The following ERBB2 variants were observed in gnomAD, a reference collection of about 807,000 sequenced individuals.
ERBB2 encodes erb-b2 receptor tyrosine kinase 2.
In ERBB2, 61 loss-of-function variants were observed where a neutral mutation model predicts 149.0. The ratio of observed to expected loss-of-function variants is 0.41; its 90% CI spans 0.33 to 0.51. The LOEUF is 0.51. Among genes scored for constraint, ERBB2 ranks in the 20% least tolerant of loss-of-function variants. The pLI, the probability that ERBB2 is intolerant of heterozygous loss-of-function variation, is 0.25. For synonymous variants in ERBB2, 633 were observed against 678.8 expected, an observed-to-expected ratio of 0.93 and a Z score of 1.05; for missense variants, 1,205 against 1,655.1, an observed-to-expected ratio of 0.73 and a Z score of 4.72.
chr17:39,699,475 G>A, upstream of ERBB2: 8 of 1,311,926 alleles, frequency 6.1e-6, no homozygotes, highest in African/African-American at 1.5e-5. Flanking sequence ...AAAAAAAAAA[G>A]TCCTTTCGAT....
rs781179380 is a variant in ERBB2 at position 39,717,390 on chromosome 17, G to A, written c.1808G>A (p.Gly603Asp). The A allele has an allele frequency of 6.2e-7, 1 of 1,612,932 alleles. No individual in the cohort carries two copies. Among genetic ancestry groups the A allele is most frequent in the African/African-American group, 1.3e-5 (1 of 74,900 alleles). ...TTCTGCGTGGCCCGCTGCCCCAGCGGTGTGAAACCTGACCTCTCCTACATG... is the reference window on the plus strand; with the variant it reads ...TTCTGCGTGGCCCGCTGCCCCAGCGATGTGAAACCTGACCTCTCCTACATG... The part of the protein sequence containing the change: ...PPFCVARCPS[G>D]VKPDLSYMPI... Residue 603 changes from glycine to aspartate, a missense_variant, in exon 15 of 27, where the codon GGT becomes GAT. Gly to Asp is a moderately conservative substitution (Grantham distance 94, BLOSUM62 -1). Coordinates refer to ENST00000269571, the MANE Select transcript of ERBB2 (RefSeq NM_004448.4).
intron 15 of ERBB2, among the ~76,000 whole-genome samples, chr17:39,719,167 A>C (rs183005111): frequency 6.6e-6 from 1 of 152,186 alleles, no homozygotes; most frequent in Non-Finnish European, 1.5e-5. Flanking sequence ...AGGTTGAGAC[A>C]GGAGAATTGC....
At chr17:39,699,538 T>A, upstream of ERBB2, 1 of 1,534,772 alleles carries the variant, frequency 6.5e-7, no homozygotes, top group Non-Finnish European at 8.7e-7. Flanking sequence ...GCTTTTCAGA[T>A]ACTTCAAAGA....
At position 39,726,843 on chromosome 17, in the gene ERBB2, T is replaced by G; in HGVS notation, c.2999T>G (p.Leu1000Trp). The change falls in exon 25 of 27, where the codon TTG becomes TGG. Residue 1000 changes from leucine to tryptophan, a missense_variant. By Grantham distance (61) the Leu-to-Trp change is moderately conservative. Coordinates refer to ENST00000269571, the MANE Select transcript of ERBB2 (RefSeq NM_004448.4). The surrounding 1 kb of genome is among the most constrained non-coding windows in gnomAD (Gnocchi z 5.1). ...QNEDLGPASP[L>W]DSTFYRSLLE... ...GAGGACTTGGGCCCAGCCAGTCCCT[T>G]GGACAGCACCTTCTACCGCTCACTG... 2 of 1,613,248 alleles carry G rather than the reference T, an allele frequency of 1.2e-6. No homozygotes were observed. Among genetic ancestry groups the G allele is most frequent in the South Asian group, 1.1e-5 (1 of 91,008 alleles).
Position 39,709,562 on chromosome 17 carries a change from C to T in ERBB2, c.574+110C>T, listed in dbSNP as rs531488428. ...CCGCCACTGCCCCAGCCGCCTACAC[C>T]ACCCATTTCCTCCCTCTCTGTCCCT... On this transcript the variant is annotated intron_variant, in intron 4 of 26. Coordinates refer to ENST00000269571, the MANE Select transcript of ERBB2 (RefSeq NM_004448.4). 1,627 of 1,286,522 alleles carry T rather than the reference C, an allele frequency of 1.3e-3. 1 individual carries two copies. The highest frequency in any genetic ancestry group is 1.6e-3 in the Non-Finnish European group (1,433 of 911,030). The allele number at this position is 1,286,522 out of a possible 1,614,324, so 79.7% of individuals were successfully genotyped here.
upstream of ERBB2, among the ~76,000 whole-genome samples, chr17:39,692,651 C>T (rs144771873): frequency 9.2e-5 from 14 of 151,658 alleles, 1 homozygote; most frequent in East Asian, 2.0e-3. Flanking sequence ...GTGATCCGTC[C>T]GCCTCAGCCT....
chr17:39,706,768 A>C (rs2058466447), intron 1 of ERBB2: 1 of 396,412 alleles, frequency 2.5e-6, no homozygotes, highest in African/African-American at 2.1e-5. Flanking sequence ...GGGTGGGCCT[A>C]GTCAGAAGAA....
At chr17:39,712,529 G>A (rs1405156884) in intron 9 of ERBB2, 81 bp downstream of exon 9, 1 of 1,518,244 alleles carries the variant, frequency 6.6e-7, no homozygotes, top group Non-Finnish European at 9.0e-7. Context: ...ATCTCTTGGG[G>A]ATGGCAGGAG....
intron 2 of ERBB2, among the ~76,000 whole-genome samples, chr17:39,689,740 T>C (rs2057650603): frequency 6.6e-6 from 1 of 152,058 alleles, no homozygotes. Context: ...ACCCCATCTC[T>C]ACTAAAAATA....
intron 12 of ERBB2, 88 bp downstream of exon 12, chr17:39,716,027 G>A (rs2059103808): frequency 1.6e-5 from 21 of 1,339,722 alleles, no homozygotes; most frequent in Non-Finnish European, 2.2e-5. Flanking sequence ...TCTTGGACTT[G>A]TGCAGACTGC....
chr17:39,704,697 G>A (rs2058320046), intron 1 of ERBB2, among the ~76,000 whole-genome samples: 1 of 152,156 alleles, frequency 6.6e-6, no homozygotes. Flanking sequence ...TAGCCAGCAA[G>A]CCTCCAGTTC....
chr17:39,699,469 A>G, upstream of ERBB2: 1 of 1,408,108 alleles, frequency 7.1e-7, no homozygotes, highest in South Asian at 1.3e-5. Context: ...TTAAAAAAAA[A>G]AAAAAGTCCT....
chr17:39,694,258 T>TATATGTGTATATATATATATATAC (rs1567888091), upstream of ERBB2, among the ~76,000 whole-genome samples: 3 of 19,046 alleles, frequency 1.6e-4, no homozygotes, highest in African/African-American at 2.4e-4. Flanking sequence ...TATATATATA[T>TATATGTGTATATATATATATATAC]ATATATATAT....
intron 9 of ERBB2, among the ~76,000 whole-genome samples, chr17:39,714,646 A>G (rs1344474792): frequency 6.6e-6 from 1 of 151,888 alleles, no homozygotes; most frequent in Non-Finnish European, 1.5e-5. Context: ...CAGCTCCCCT[A>G]TTTACTAATA....
At chr17:39,721,629 C>T (rs770794720) in intron 16 of ERBB2, among the ~76,000 whole-genome samples, 2 of 152,080 alleles carry the variant, frequency 1.3e-5, no homozygotes, top group Non-Finnish European at 2.9e-5. Context: ...GCTGAAGGGA[C>T]AGCCTATGCA....
intron 1 of ERBB2, among the ~76,000 whole-genome samples, chr17:39,702,377 G>A (rs1000191737): frequency 2.0e-5 from 3 of 152,234 alleles, no homozygotes; most frequent in African/African-American, 7.2e-5. Flanking sequence ...GGAATGTGGG[G>A]GAAGGGGAGG....
upstream of ERBB2, among the ~76,000 whole-genome samples, chr17:39,691,874 T>TAGATAC (rs2057711231): frequency 1.6e-5 from 2 of 128,222 alleles, no homozygotes; most frequent in Non-Finnish European, 3.2e-5. Flanking sequence ...ATGATAGATA[T>TAGATAC]AGATATAGAT....
At chr17:39,701,679 G>T (rs2058118953) in intron 1 of ERBB2, among the ~76,000 whole-genome samples, 1 of 152,124 alleles carries the variant, frequency 6.6e-6, no homozygotes, top group African/African-American at 2.4e-5. Flanking sequence ...GTGTGTCTGG[G>T]CTTTGTGTTG....
At chr17:39,720,151 G>A in intron 16 of ERBB2, 1 of 341,456 alleles carries the variant, frequency 2.9e-6, no homozygotes, top group South Asian at 3.8e-5. Flanking sequence ...TACAGCTGCA[G>A]CACTGAGGGA....
Sources: allele counts gnomAD v4.1 joint callset (sites outside exome capture counted in the v4.1 genomes callset), GRCh38; gene constraint gnomAD v4.1.1; non-coding constraint Gnocchi (gnomAD v3.1); transcripts MANE v1.5; gene names NCBI Gene and HGNC (gene_info 2026-07-23, HGNC 2026-07-21).